Variants in ALG1 observed in about 807,000 individuals in gnomAD.
The protein encoded by ALG1 is ALG1 chitobiosyldiphosphodolichol beta-mannosyltransferase.
In ALG1, 58 loss-of-function variants were observed where a neutral mutation model predicts 55.1. The observed-to-expected ratio is 1.05, with a 90% CI of 0.85 to 1.31. The LOEUF (loss-of-function observed/expected upper bound fraction) is 1.31, where lower values mean the gene tolerates loss of function less well. ALG1 is among the 50% of genes most tolerant of loss of function. The pLI is 0.00. For missense variants in ALG1, 761 were observed against 598.6 expected (o/e 1.27, Z -2.83); for synonymous variants, 309 against 247.0 (o/e 1.25, Z -2.35).
chr16:5,081,322 G>A (rs1361813989), intron 10 of ALG1, among the ~76,000 whole-genome samples: 5 of 152,246 alleles, frequency 3.3e-5, no homozygotes, highest in Non-Finnish European at 4.4e-5. Flanking sequence ...AGGAGGGCTG[G>A]GCCTGGGGTT....
Position 5,084,890 on chromosome 16 carries a change from C to T in ALG1, c.*9C>T. 1 of 1,581,208 alleles carries T rather than the reference C, an allele frequency of 6.3e-7. No homozygotes were observed. The highest frequency in any genetic ancestry group is 8.5e-7 in the Non-Finnish European group (1 of 1,171,782). On this transcript the variant is annotated 3_prime_UTR_variant, in exon 13 of 13. Coordinates refer to ENST00000262374, the MANE Select transcript of ALG1 (RefSeq NM_019109.5). The stretch of plus-strand genomic sequence containing the variant: ...TGGTTATGGACACATAACTCCTGGG[C>T]CAGAGGCTAAAACCCCAGGACCCCT...
chr16:5,078,715 C>A (rs1956959125), intron 6 of ALG1, 42 bp from the exon 7 acceptor site: 3 of 1,612,108 alleles, frequency 1.9e-6, no homozygotes, highest in Non-Finnish European at 2.5e-6. Context: ...GGTCCCGGGC[C>A]TGCTCTATGG....
chr16:5,073,376 A>G (rs1282085991), intron 3 of ALG1, 120 bp downstream of exon 3: 10 of 858,816 alleles, frequency 1.2e-5, no homozygotes, highest in Non-Finnish European at 1.5e-5. Context: ...GCGTTTAAAG[A>G]CATGAGTAGG....
At position 5,071,929 on chromosome 16, in the gene ALG1, G is replaced by C; in HGVS notation, c.80G>C (p.Arg27Pro). ...CTGCTGGGAGGATGGAAGCGCTGGC[G>C]CCGGGGGCGGGCGGCCCGGCATGTA... is the stretch of plus-strand genomic sequence containing the variant. ...LLLLGGWKRW[R>P]RGRAARHVVA... The change falls in exon 1 of 13, where the codon CGC becomes CCC. Residue 27 changes from arginine to proline, a missense_variant. Arg to Pro is a moderately radical substitution (Grantham distance 103). Transcript: ENST00000262374. 1 of 1,591,258 alleles carries C rather than the reference G, an allele frequency of 6.3e-7. No homozygotes were observed. The highest frequency in any genetic ancestry group is 8.6e-7 in the Non-Finnish European group (1 of 1,169,334).
chr16:5,085,693 T>C lies in ALG1; in HGVS notation c.*812T>C. 2 of 1,611,910 alleles carry C rather than the reference T, an allele frequency of 1.2e-6. No homozygotes were observed. The highest frequency in any genetic ancestry group is 8.5e-7 in the Non-Finnish European group (1 of 1,179,800). On this transcript the variant is annotated 3_prime_UTR_variant, in exon 13 of 13. Transcript: ENST00000262374. ...CTCTTCGTAGGGAAACAGTTTCTGC[T>C]CATGACGAGGTTCCACTTCCCATCT...
chr16:5,079,831 C>T (rs747652204), intron 9 of ALG1, 24 bp downstream of exon 9: 1 of 1,610,414 alleles, frequency 6.2e-7, no homozygotes, highest in East Asian at 2.2e-5. Flanking sequence ...CCCTGGGTGT[C>T]TGTTTGGTTG....
intron 3 of ALG1, among the ~76,000 whole-genome samples, chr16:5,074,591 G>A (rs1164650244): frequency 1.3e-5 from 2 of 152,206 alleles, no homozygotes; most frequent in Non-Finnish European, 2.9e-5. Context: ...AGCACAGCGA[G>A]CATATGCCTT....
Position 5,085,056 on chromosome 16 carries a change from G to C in ALG1, c.*175G>C. 8.1e-7 allele frequency: 1 copy of C among 1,228,850 alleles called. No individual in the cohort carries two copies. Among genetic ancestry groups the C allele is most frequent in the African/African-American group, 1.5e-5 (1 of 66,620 alleles). 76.1% of individuals were successfully genotyped at this position (1,228,850 alleles called of 1,614,324 possible). On this transcript the variant is annotated 3_prime_UTR_variant, in exon 13 of 13. Transcript: ENST00000262374. ...TCTGTGACCCGGGAAGCTTTGGTTG[G>C]CCTTGATTTCTTCTCTGGAGGCTTG...
rs1279059626 is a variant in ALG1 at position 5,077,476 on chromosome 16, C to G, written c.571C>G (p.Leu191Val). The G allele has an allele frequency of 6.2e-7, 1 of 1,614,094 alleles. No homozygotes were observed. Among genetic ancestry groups the G allele is most frequent in the African/African-American group, 1.3e-5 (1 of 74,938 alleles). Residue 191 changes from leucine to valine, a missense_variant, in exon 5 of 13, where the codon CTG becomes GTG. Transcript: ENST00000262374. ...YEKFFGRLSH[L>V]NLCVTNAMRE... ...GAAGTTCTTTGGGCGCCTGTCCCAC[C>G]TGAACCTGTGTGTTACCAATGCTAT...
At chr16:5,073,957 C>T (rs1327686379) in intron 3 of ALG1, among the ~76,000 whole-genome samples, 4 of 152,200 alleles carry the variant, frequency 2.6e-5, no homozygotes, top group Non-Finnish European at 4.4e-5. Context: ...TCAGGTAATC[C>T]GCCCCCCTCG....
At position 5,085,639 on chromosome 16, in the gene ALG1, G is replaced by A. The variant is rs760584474; in HGVS notation, c.*758G>A. ...TGGAGTCGTGTGTGAGTCCTACAGG[G>A]TGAGATTCAGCATTGCCATCTCCAA... On this transcript the variant is annotated 3_prime_UTR_variant, in exon 13 of 13. Coordinates refer to ENST00000262374, the MANE Select transcript of ALG1 (RefSeq NM_019109.5). The A allele has an allele frequency of 7.5e-6, 12 of 1,606,736 alleles. No individual in the cohort carries two copies. The highest frequency in any genetic ancestry group is 9.4e-6 in the Non-Finnish European group (11 of 1,175,036).
chr16:5,077,064 C>T (rs990089972), intron 4 of ALG1, among the ~76,000 whole-genome samples: 2 of 152,134 alleles, frequency 1.3e-5, no homozygotes, highest in Non-Finnish European at 2.9e-5. Flanking sequence ...GGATTACAGG[C>T]ATGAGCCACC....
intron 10 of ALG1, among the ~76,000 whole-genome samples, chr16:5,081,528 A>G (rs757064874): frequency 6.6e-5 from 10 of 152,338 alleles, no homozygotes; most frequent in Non-Finnish European, 1.5e-4. Flanking sequence ...TCGAGTGAGC[A>G]GAGCAGTTGG....
In ALG1 at chr16:5,072,005, C is replaced by G; in HGVS notation, c.156C>G (p.His52Gln). 1 of 1,598,010 alleles carries G rather than the reference C, an allele frequency of 6.3e-7. No homozygotes were observed. Among genetic ancestry groups the G allele is most frequent in the Non-Finnish European group, 8.5e-7 (1 of 1,172,180 alleles). ...DVGRSPRMQY[H>Q]ALSLAMHGFS... ...GCCGCAGCCCCCGTATGCAGTACCA[C>G]GCGCTGTCGTTGGCCATGCACGGCT... Residue 52 changes from histidine to glutamine, a missense_variant, in exon 1 of 13, where the codon CAC (histidine) becomes CAG (glutamine). Transcript: ENST00000262374.
At chr16:5,084,465 C>T (rs1329925464) in intron 12 of ALG1, 2 of 574,040 alleles carry the variant, frequency 3.5e-6, no homozygotes, top group African/African-American at 1.9e-5. Flanking sequence ...GGCCAGAGGC[C>T]GAGAGGAGGG....
intron 10 of ALG1, among the ~76,000 whole-genome samples, chr16:5,081,438 C>T (rs1425493668): frequency 7.9e-5 from 12 of 152,238 alleles, no homozygotes; most frequent in African/African-American, 1.2e-4. Context: ...CCTTTGCCTC[C>T]GTCTCTTTCC....
At chr16:5,081,935 T>C (rs1957023610) in intron 10 of ALG1, among the ~76,000 whole-genome samples, 1 of 152,076 alleles carries the variant, frequency 6.6e-6, no homozygotes. Flanking sequence ...GTGGGTGTGC[T>C]GTGGTTTATT....
chr16:5,076,243 G>T (rs780906642), intron 4 of ALG1, among the ~76,000 whole-genome samples: 3 of 152,240 alleles, frequency 2.0e-5, no homozygotes, highest in Admixed American at 2.0e-4. Flanking sequence ...CAGCTGCTGC[G>T]TGTACTTCCG....
In ALG1 at chr16:5,086,201, G is replaced by A. The variant is rs1327981651; in HGVS notation, c.*1320G>A. Among the ~76,000 whole-genome samples, 3 of 152,238 alleles carry A rather than the reference G, an allele frequency of 2.0e-5. No individual in the cohort carries two copies. The East Asian group carries it at 5.8e-4, about 30-fold the overall frequency. On this transcript the variant is annotated 3_prime_UTR_variant, in exon 13 of 13. Transcript: ENST00000262374. ...AATACAGAAATTAGCCAGGCATGATGGCGAGTGCCTGTAATCCCAGCTACT... is the reference window on the plus strand; with the variant it reads ...AATACAGAAATTAGCCAGGCATGATAGCGAGTGCCTGTAATCCCAGCTACT...
Sources: allele counts gnomAD v4.1 joint callset (sites outside exome capture counted in the v4.1 genomes callset), GRCh38; gene constraint gnomAD v4.1.1; transcripts MANE v1.5; gene names NCBI Gene and HGNC (gene_info 2026-07-23, HGNC 2026-07-21).